EPHA10: variants seen among roughly 807,000 people sequenced by gnomAD.
EPHA10 encodes the protein ephrin type-A receptor 10.
EPHA10 carries 120 observed loss-of-function variants against 109.7 expected under a neutral mutation model. The observed-to-expected ratio is 1.09, with a 90% CI of 0.94 to 1.27. The LOEUF is 1.27. Ranked by LOEUF, EPHA10 falls within the 50% of genes most tolerant of loss-of-function variation. The pLI, the probability that EPHA10 is intolerant of heterozygous loss-of-function variation, is 0.00. For missense variants in EPHA10, 1,396 were observed against 1,411.1 expected (o/e 0.99, Z 0.17); for synonymous variants, 640 against 618.9 (o/e 1.03, Z -0.51).
chr1:37,743,987 T>C (rs1310663185), intron 5 of EPHA10, among the ~76,000 whole-genome samples: 1 of 152,116 alleles, frequency 6.6e-6, no homozygotes, highest in African/African-American at 2.4e-5. Context: ...TTTAAAAATT[T>C]TTACCACGTA....
In EPHA10 at chr1:37,731,575, C is replaced by T. The variant is rs200957898; in HGVS notation, c.1499G>A (p.Ser500Asn). Reference protein sequence around the residue: ...YEIRYYEKGQSEQTYSMVKTG... With the variant: ...YEIRYYEKGQNEQTYSMVKTG... ...CTTCACCATGGAGTAAGTCTGCTCACTCTGACCCTGGAGAGAGATCAAGAA... is the reference window on the plus strand; with the variant it reads ...CTTCACCATGGAGTAAGTCTGCTCATTCTGACCCTGGAGAGAGATCAAGAA... The change falls in exon 7 of 17, where the codon AGT becomes AAT. Residue 500 changes from serine (S) to asparagine (N), a missense_variant. Transcript: ENST00000373048. 316 of 1,609,684 alleles carry T rather than the reference C, an allele frequency of 2.0e-4. 2 individuals carry two copies. The African/African-American group carries it at 3.8e-3, about 19-fold the overall frequency.
At chr1:37,751,597 C>T (rs1569750957) in intron 5 of EPHA10, among the ~76,000 whole-genome samples, 1 of 148,174 alleles carries the variant, frequency 6.7e-6, no homozygotes, top group Non-Finnish European at 1.5e-5. Flanking sequence ...TCTGGCTAGG[C>T]GCGCAGTGGC....
intron 5 of EPHA10, among the ~76,000 whole-genome samples, chr1:37,748,956 T>G (rs1646281971): frequency 7.2e-6 from 1 of 139,252 alleles, no homozygotes; most frequent in African/African-American, 2.7e-5. Flanking sequence ...GGAGTCTTGC[T>G]CTGTCACCCA....
Position 37,761,966 on chromosome 1 carries a change from G to A in EPHA10, c.289C>T (p.Arg97Cys), listed in dbSNP as rs757411529. ...AGTTCCACGAAGATGCGCTGCCCGCGGCCACGGCTTATCCAGCCAGTCTGC... is the reference window on the plus strand; with the variant it reads ...AGTTCCACGAAGATGCGCTGCCCGCAGCCACGGCTTATCCAGCCAGTCTGC... ...WLQTGWISRG[R>C]GQRIFVELQF... Residue 97 changes from arginine to cysteine, a missense_variant, in exon 3 of 17, where the codon CGC becomes TGC. Coordinates refer to ENST00000373048, the MANE Select transcript of EPHA10 (RefSeq NM_001099439.2). The A allele has an allele frequency of 1.9e-6, 3 of 1,614,164 alleles. No homozygotes were observed. The highest frequency in any genetic ancestry group is 1.1e-5 in the South Asian group (1 of 91,078).
Position 37,723,147 on chromosome 1 carries a change from G to A in EPHA10, c.1854C>T (p.Arg618=), listed in dbSNP as rs766363522. ...LYFHFKVPTR[R]TFLDPQSCGD... Reference sequence around the variant, plus strand: ...CACAGCTCTGGGGGTCCAGGAATGTGCGACGTGTTGGGACTTTGACTGGGA... The same window carrying A: ...CACAGCTCTGGGGGTCCAGGAATGTACGACGTGTTGGGACTTTGACTGGGA... Residue 618 remains arginine, a synonymous_variant, in exon 10 of 17, where the codon CGC becomes CGT. Transcript: ENST00000373048. The A allele has an allele frequency of 6.2e-7, 1 of 1,613,996 alleles. No homozygotes were observed.
chr1:37,735,113 C>T (rs1273506676), intron 6 of EPHA10, 144 bp downstream of exon 6: 2 of 1,026,668 alleles, frequency 1.9e-6, no homozygotes, highest in Non-Finnish European at 1.4e-6. Context: ...GGGGGAGACT[C>T]GAGCCTGGGG....
At position 37,747,968 on chromosome 1, in the gene EPHA10, T is replaced by C. The variant is rs548956629; in HGVS notation, c.1357+4908A>G. Among the ~76,000 whole-genome samples, 106 of 152,284 alleles carry C rather than the reference T, an allele frequency of 7.0e-4. 1 individual carries two copies. Among genetic ancestry groups the C allele is most frequent in the Non-Finnish European group, 1.1e-3 (75 of 68,018 alleles). On this transcript the variant is annotated intron_variant, in intron 5 of 16. Transcript: ENST00000373048. The stretch of plus-strand genomic sequence containing the variant: ...TAACTCCAGGTACTGAGGAAATGTA[T>C]ATACATTTCTAATAATAAATTAGAA...
intron 5 of EPHA10, among the ~76,000 whole-genome samples, chr1:37,738,878 A>G (rs891230401): frequency 2.2e-5 from 3 of 134,654 alleles, no homozygotes; most frequent in Non-Finnish European, 5.0e-5. Flanking sequence ...GGAAACCATC[A>G]TTCTAAGCAA....
chr1:37,752,177 G>A (rs1024735352), intron 5 of EPHA10, among the ~76,000 whole-genome samples: 6 of 152,146 alleles, frequency 3.9e-5, no homozygotes, highest in African/African-American at 1.2e-4. Flanking sequence ...GCTGAGAAGC[G>A]AATCAAAAGA....
intron 5 of EPHA10, among the ~76,000 whole-genome samples, chr1:37,739,404 C>A (rs985422858): frequency 6.6e-6 from 1 of 152,128 alleles, no homozygotes. Context: ...GTGACTCATG[C>A]TTATAATCTC....
chr1:37,746,511 T>C (rs1646245085), intron 5 of EPHA10, among the ~76,000 whole-genome samples: 1 of 152,212 alleles, frequency 6.6e-6, no homozygotes, highest in African/African-American at 2.4e-5. Context: ...ATAGTCACAT[T>C]GGGGTTTAGG....
intron 1 of EPHA10, among the ~76,000 whole-genome samples, chr1:37,763,925 TG>T (rs1237937752): frequency 6.6e-6 from 1 of 152,208 alleles, no homozygotes; most frequent in Non-Finnish European, 1.5e-5. Context: ...AAAGAATGTC[TG>T]GGGTTCTTTT....
In EPHA10 at chr1:37,715,987, T is replaced by C; in HGVS notation, c.*2385A>G. On this transcript the variant is annotated 3_prime_UTR_variant, in exon 17 of 17. Coordinates refer to ENST00000373048, the MANE Select transcript of EPHA10 (RefSeq NM_001099439.2). ...AAAGAGGCACCATATCACAGACAAG[T>C]TTTTATTATCCTGCATAGAGAACCC... The C allele has an allele frequency of 3.4e-6, 2 of 587,970 alleles. No individual in the cohort carries two copies. Among genetic ancestry groups the C allele is most frequent in the South Asian group, 2.8e-5 (2 of 71,786 alleles). The allele number at this position is 587,970 out of a possible 1,614,324, so 36.4% of individuals were successfully genotyped here.
intron 8 of EPHA10, among the ~76,000 whole-genome samples, chr1:37,725,625 A>T (rs773306463): frequency 7.3e-5 from 11 of 151,708 alleles, no homozygotes; most frequent in Non-Finnish European, 1.6e-4. Context: ...GGGGCAAGGG[A>T]TGGGACAGGC....
chr1:37,722,987 T>A, intron 10 of EPHA10, 54 bp downstream of exon 10: 1 of 1,613,126 alleles, frequency 6.2e-7, no homozygotes, highest in Non-Finnish European at 8.5e-7. Context: ...GCGGGGCCTA[T>A]AGAGTGGGTG....
At chr1:37,733,056 C>T (rs58534090) in intron 6 of EPHA10, among the ~76,000 whole-genome samples, 1 of 151,304 alleles carries the variant, frequency 6.6e-6, no homozygotes, top group Non-Finnish European at 1.5e-5. Context: ...CCATGTCTGG[C>T]TAATTTTTGT....
In EPHA10 at chr1:37,731,578, T is replaced by C. The variant is rs758183105; in HGVS notation, c.1496A>G (p.Gln499Arg). ...EYEIRYYEKG[Q>R]SEQTYSMVKT... Reference sequence around the variant, plus strand: ...CACCATGGAGTAAGTCTGCTCACTCTGACCCTGGAGAGAGATCAAGAAGTG... The same window carrying C: ...CACCATGGAGTAAGTCTGCTCACTCCGACCCTGGAGAGAGATCAAGAAGTG... Residue 499 changes from glutamine to arginine, a missense_variant, in exon 7 of 17, where the codon CAG (glutamine) becomes CGG (arginine). Transcript: ENST00000373048. The C allele has an allele frequency of 1.2e-6, 2 of 1,609,368 alleles. No homozygotes were observed. The highest frequency in any genetic ancestry group is 1.7e-6 in the Non-Finnish European group (2 of 1,177,470).
At position 37,717,930 on chromosome 1, in the gene EPHA10, C is replaced by T. The variant is rs1223649410; in HGVS notation, c.*442G>A. On this transcript the variant is annotated 3_prime_UTR_variant, in exon 17 of 17. Coordinates refer to ENST00000373048, the MANE Select transcript of EPHA10 (RefSeq NM_001099439.2). Reference sequence around the variant, plus strand: ...GCAGTCACTGCCAGGTAGAAGAAGACCCCCCCAGGACCCACGCTGTCTGAC... The same window carrying T: ...GCAGTCACTGCCAGGTAGAAGAAGATCCCCCCAGGACCCACGCTGTCTGAC... The T allele has an allele frequency of 8.3e-6, 2 of 240,064 alleles. No individual in the cohort carries two copies. Among genetic ancestry groups the T allele is most frequent in the East Asian group, 6.1e-5 (1 of 16,434 alleles). 14.9% of individuals were successfully genotyped at this position (240,064 alleles called of 1,614,324 possible). A position where few individuals can be genotyped will look rare whatever the true frequency, so the allele number is the denominator to read the frequency against.
chr1:37,748,808 A>G (rs1359839958), intron 5 of EPHA10, among the ~76,000 whole-genome samples: 1 of 152,160 alleles, frequency 6.6e-6, no homozygotes, highest in African/African-American at 2.4e-5. Flanking sequence ...TGATTTTTAG[A>G]AAAAGTTCAA....
Sources: gnomAD v4.1 joint callset for allele counts (sites outside exome capture counted in the v4.1 genomes callset) on GRCh38, gnomAD v4.1.1 for gene constraint, MANE v1.5 for transcripts, NCBI Gene and HGNC (gene_info 2026-07-23, HGNC 2026-07-21) for gene names.